SERGEF: variants seen among roughly 807,000 people sequenced by gnomAD.
The protein encoded by SERGEF is secretion-regulating guanine nucleotide exchange factor.
In SERGEF, 51 loss-of-function variants were observed where a neutral mutation model predicts 50.0. That is an observed-to-expected ratio of 1.02 (90% CI 0.81 to 1.29). SERGEF has a LOEUF of 1.29. SERGEF is among the 50% of genes most tolerant of loss of function. The probability of loss-of-function intolerance (pLI) is 0.00; values close to 1 mark genes in which losing one functional copy is unlikely to be tolerated. For synonymous variants in SERGEF, 205 were observed against 212.4 expected (o/e 0.97, Z 0.30); for missense variants, 521 against 557.0 (o/e 0.94, Z 0.65).
chr11:18,004,472 G>A lies in SERGEF; in HGVS notation c.416C>T (p.Pro139Leu), dbSNP rs1324176275. 1 of 1,613,860 alleles carries A rather than the reference G, an allele frequency of 6.2e-7. No individual in the cohort carries two copies. The highest frequency in any genetic ancestry group is 2.2e-5 in the East Asian group (1 of 44,882). Residue 139 changes from proline (P) to leucine (L), a missense_variant, in exon 4 of 11, where the codon CCT becomes CTT. By Grantham distance (98) the Pro-to-Leu change is moderately conservative. Transcript: ENST00000265965. ...GGCCTGGGGAACCACACATCTTCGA[G>A]GTCCATGAGGAACTCCTAACTGGCC... ...SFGQLGVPHGPRRCVVPQAIE... is the reference protein window; with the variant it reads ...SFGQLGVPHGLRRCVVPQAIE...
At chr11:18,012,682 CCCGA>C in intron 1 of SERGEF, 1 of 1,191,696 alleles carries the variant, frequency 8.4e-7, no homozygotes. Flanking sequence ...GACGCTCTGC[CCCGA>C]GGCAGGTTCT....
At chr11:17,935,759 A>T (rs1009708504) in intron 9 of SERGEF, among the ~76,000 whole-genome samples, 1 of 152,216 alleles carries the variant, frequency 6.6e-6, no homozygotes, top group African/African-American at 2.4e-5. Context: ...AAGAACTGAG[A>T]CATCAAGAAA....
At chr11:17,903,516 G>A (rs1851785184) in intron 9 of SERGEF, among the ~76,000 whole-genome samples, 1 of 152,144 alleles carries the variant, frequency 6.6e-6, no homozygotes, top group Non-Finnish European at 1.5e-5. Flanking sequence ...ATAGATTGTA[G>A]AATGTTTAAT....
intron 10 of SERGEF, 80 bp downstream of exon 10, chr11:17,878,128 C>G: frequency 1.9e-6 from 2 of 1,078,762 alleles, no homozygotes; most frequent in Non-Finnish European, 2.8e-6. Context: ...CGCACCATGG[C>G]TTTTGGTTAA....
chr11:17,939,172 C>A (rs887581449), intron 9 of SERGEF, among the ~76,000 whole-genome samples: 1 of 152,002 alleles, frequency 6.6e-6, no homozygotes, highest in Non-Finnish European at 1.5e-5. Flanking sequence ...GAAAGTGGAG[C>A]AGGAGTAGGA....
chr11:17,902,737 A>G (rs1851769779), intron 9 of SERGEF, among the ~76,000 whole-genome samples: 1 of 152,204 alleles, frequency 6.6e-6, no homozygotes, highest in Non-Finnish European at 1.5e-5. Flanking sequence ...ACAAAAAATC[A>G]TTTTGTACAT....
intron 8 of SERGEF, among the ~76,000 whole-genome samples, chr11:17,978,884 C>T (rs1471958104): frequency 2.6e-5 from 4 of 152,182 alleles, no homozygotes; most frequent in African/African-American, 7.2e-5. Flanking sequence ...CATCTGGTGG[C>T]CCTGCAGGCC....
At chr11:17,895,537 G>A (rs982809754) in intron 9 of SERGEF, among the ~76,000 whole-genome samples, 1 of 152,198 alleles carries the variant, frequency 6.6e-6, no homozygotes, top group Non-Finnish European at 1.5e-5. Context: ...TCCTAGCTGA[G>A]TGATCATCAC....
intron 10 of SERGEF, among the ~76,000 whole-genome samples, chr11:17,839,500 C>G (rs1414473265): frequency 6.6e-6 from 1 of 152,174 alleles, no homozygotes; most frequent in East Asian, 1.9e-4. Context: ...GTAACGAAGA[C>G]TGAGTTCTTT....
intron 10 of SERGEF, among the ~76,000 whole-genome samples, chr11:17,830,721 C>A (rs1590141623): frequency 1.4e-5 from 2 of 140,494 alleles, no homozygotes; most frequent in Middle Eastern, 4.7e-3. Flanking sequence ...TCAGGATGAA[C>A]CGACTCCCTC....
At chr11:17,917,624 T>C (rs1329778121) in intron 9 of SERGEF, among the ~76,000 whole-genome samples, 2 of 152,220 alleles carry the variant, frequency 1.3e-5, no homozygotes, top group East Asian at 3.9e-4. Context: ...ACTCCAGACT[T>C]ACTGCATGAG....
chr11:17,994,127 A>T (rs888408805), intron 6 of SERGEF, among the ~76,000 whole-genome samples: 1 of 152,234 alleles, frequency 6.6e-6, no homozygotes, highest in Non-Finnish European at 1.5e-5. Context: ...ACAATTCATA[A>T]TAACAGTATA....
chr11:17,963,243 AAGG>A (rs1853048929), intron 8 of SERGEF, among the ~76,000 whole-genome samples: 1 of 149,364 alleles, frequency 6.7e-6, no homozygotes, highest in South Asian at 2.1e-4. Context: ...GTCACAAGAG[AAGG>A]AGACTAGAAA....
intron 9 of SERGEF, chr11:17,918,662 A>ACTCTCT (rs143834429): frequency 2.0e-4 from 81 of 413,796 alleles, no homozygotes; most frequent in African/African-American, 1.4e-3. Flanking sequence ...ATACACACAC[A>ACTCTCT]CTCTCTCTCT....
intron 1 of SERGEF, among the ~76,000 whole-genome samples, chr11:18,009,259 C>T (rs1488975256): frequency 6.6e-6 from 1 of 152,096 alleles, no homozygotes; most frequent in African/African-American, 2.4e-5. Flanking sequence ...GATGGAGGCC[C>T]CATCCTCAGA....
intron 9 of SERGEF, among the ~76,000 whole-genome samples, chr11:17,894,616 G>C (rs1851588149): frequency 6.6e-6 from 1 of 152,162 alleles, no homozygotes; most frequent in Non-Finnish European, 1.5e-5. Context: ...GGCTTGCACA[G>C]TGCTGTGTAC....
chr11:17,796,100 T>C (rs946957854), intron 10 of SERGEF, among the ~76,000 whole-genome samples: 3 of 151,854 alleles, frequency 2.0e-5, no homozygotes, highest in African/African-American at 7.3e-5. Flanking sequence ...CAGGGAGAAA[T>C]GGGGGAAGGG....
At chr11:17,818,291 A>C (rs1413038151) in intron 10 of SERGEF, among the ~76,000 whole-genome samples, 1 of 152,132 alleles carries the variant, frequency 6.6e-6, no homozygotes, top group Non-Finnish European at 1.5e-5. Flanking sequence ...AATCTCTAAG[A>C]GTTTCAATTT....
intron 6 of SERGEF, 149 bp downstream of exon 6, chr11:17,995,647 G>A: frequency 1.6e-6 from 1 of 618,546 alleles, no homozygotes; most frequent in Non-Finnish European, 2.8e-6. Context: ...AACAAACAAT[G>A]CCAGCAAGAC....
Sources: gnomAD v4.1 joint callset for allele counts (sites outside exome capture counted in the v4.1 genomes callset) on GRCh38, gnomAD v4.1.1 for gene constraint, MANE v1.5 for transcripts, NCBI Gene and HGNC (gene_info 2026-07-23, HGNC 2026-07-21) for gene names.